NEB: variants seen among roughly 807,000 people sequenced by gnomAD.
NEB encodes nebulin.
A neutral mutation model predicts 952.2 loss-of-function variants in NEB; 512 were observed. That is an observed-to-expected ratio of 0.54 (90% CI 0.50 to 0.58). NEB has a LOEUF of 0.58. NEB is among the 20% of genes least tolerant of loss of function. The probability of loss-of-function intolerance (pLI) is 0.00; values close to 1 mark genes in which losing one functional copy is unlikely to be tolerated. For synonymous variants in NEB, 2,900 were observed against 3,149.8 expected, an observed-to-expected ratio of 0.92 and a Z score of 2.66; for missense variants, 8,428 against 9,231.1, an observed-to-expected ratio of 0.91 and a Z score of 3.56.
In NEB at chr2:151,503,454, AT is replaced by A; in HGVS notation, c.23743-14del. On this transcript the variant is annotated splice_polypyrimidine_tract_variant and intron_variant, in intron 165 of 181. Coordinates refer to ENST00000397345, the MANE Select transcript of NEB (RefSeq NM_001164508.2). ...CTTTGTACATAACCTGTAGAAAATA[AT>A]TAGAATACCCAGAAAGGTAAAATGA... is the stretch of plus-strand genomic sequence containing the variant. The A allele has an allele frequency of 6.5e-7, 1 of 1,550,218 alleles. No individual in the cohort carries two copies. The highest frequency in any genetic ancestry group is 8.9e-7 in the Non-Finnish European group (1 of 1,122,382).
intron 64 of NEB, among the ~76,000 whole-genome samples, chr2:151,634,498 C>T (rs1332563294): frequency 5.9e-5 from 9 of 151,924 alleles, no homozygotes; most frequent in Admixed American, 1.3e-4. Flanking sequence ...AAAAATAAGC[C>T]GGGCGTGGTG....
intron 135 of NEB, among the ~76,000 whole-genome samples, chr2:151,542,354 A>G (rs901899481): frequency 2.0e-5 from 3 of 152,190 alleles, no homozygotes; most frequent in Admixed American, 6.5e-5. Context: ...TTTGAGATTG[A>G]TAACTTCCAA....
intron 25 of NEB, 129 bp from the exon 26 acceptor site, chr2:151,687,862 G>T: frequency 1.2e-6 from 1 of 863,774 alleles, no homozygotes; most frequent in Non-Finnish European, 1.8e-6. Context: ...TTATCAAATT[G>T]TAGTATAAGT....
intron 76 of NEB, among the ~76,000 whole-genome samples, chr2:151,615,146 C>T (rs530695897): frequency 2.9e-4 from 44 of 152,244 alleles, no homozygotes; most frequent in Admixed American, 6.5e-4. Context: ...TCCAGAATAA[C>T]GCATTATGGT....
rs1415943774 is a variant in NEB at position 151,505,951 on chromosome 2, T to A, written c.23649+215A>T. 3 of 589,040 alleles carry A rather than the reference T, an allele frequency of 5.1e-6. 1 individual carries two copies. The highest frequency in any genetic ancestry group is 4.2e-5 in the South Asian group (2 of 47,080). 36.5% of individuals were successfully genotyped at this position (589,040 alleles called of 1,614,324 possible). On this transcript the variant is annotated intron_variant, in intron 164 of 181. Transcript: ENST00000397345. Reference sequence around the variant, plus strand: ...GATTCTACCTTCTCACAAGCCTCTCTGTTTTTCAGATCTAATCTCTCCCTC... The same window carrying A: ...GATTCTACCTTCTCACAAGCCTCTCAGTTTTTCAGATCTAATCTCTCCCTC...
intron 130 of NEB, among the ~76,000 whole-genome samples, chr2:151,548,773 C>T (rs750698659): frequency 2.0e-5 from 3 of 152,136 alleles, no homozygotes; most frequent in African/African-American, 4.8e-5. Flanking sequence ...CAAATAGCTT[C>T]GTGGACTGAT....
In NEB at chr2:151,619,521, T is replaced by G. The variant is rs371568550; in HGVS notation, c.10802A>C (p.His3601Pro). The G allele has an allele frequency of 1.9e-6, 3 of 1,613,852 alleles. No homozygotes were observed. Among genetic ancestry groups the G allele is most frequent in the Non-Finnish European group, 1.7e-6 (2 of 1,179,854 alleles). Residue 3601 changes from histidine to proline, a missense_variant, in exon 73 of 182, where the codon CAT (histidine) becomes CCT (proline). Coordinates refer to ENST00000397345, the MANE Select transcript of NEB (RefSeq NM_001164508.2). ...VSDVDYKHPL[H>P]EWICLPDQND... ...CTGGTCGGGCAGGCAGATCCATTCA[T>G]GCAGAGGATGTTTATAGTCCACATC...
rs990775501 is a variant in NEB at position 151,567,410 on chromosome 2, G to A, written c.17914C>T (p.Pro5972Ser). 2 of 1,613,730 alleles carry A rather than the reference G, an allele frequency of 1.2e-6. No homozygotes were observed. Among genetic ancestry groups the A allele is most frequent in the Admixed American group, 1.7e-5 (1 of 59,960 alleles). The change falls in exon 114 of 182, where the codon CCT becomes TCT. Residue 5972 changes from proline (P) to serine (S), a missense_variant. By Grantham distance (74) the Pro-to-Ser change is moderately conservative. Around this residue, in one of 11 missense-constraint regions of NEB, gnomAD observed 3,374 missense variants for 3,651.5 expected, o/e 0.92. Transcript: ENST00000397345. ...YVGVPTMRDD[P>S]KLVWFEHAGQ... ...GCATGCTCAAACCAAACCAGCTTAG[G>A]ATCATCTCTCATCGTCGGGACACCA...
chr2:151,617,487 A>AAG lies in NEB; in HGVS notation c.11077-21_11077-20dup, dbSNP rs369065019. ...ATAAGCGCTACAAAAAAAAAAAAAA[A>AAG]AGAGAGAGAGAGAGAGAAAAATTAT... On this transcript the variant is annotated intron_variant, in intron 74 of 181. Transcript: ENST00000397345. The AAG allele has an allele frequency of 1.0e-2, 10,269 of 1,031,792 alleles. 331 individuals are homozygous for AAG. Among genetic ancestry groups the AAG allele is most frequent in the South Asian group, 0.031 (1,764 of 57,582 alleles). 63.9% of individuals were successfully genotyped at this position (1,031,792 alleles called of 1,614,324 possible).
At chr2:151,625,425 G>T in intron 71 of NEB, 109 bp downstream of exon 71, 1 of 738,590 alleles carries the variant, frequency 1.4e-6, no homozygotes. Context: ...GGCATAAAAA[G>T]CCAACTAAGC....
intron 150 of NEB, 33 bp downstream of exon 150, chr2:151,525,925 T>C: frequency 6.5e-7 from 1 of 1,532,948 alleles, no homozygotes; most frequent in South Asian, 1.1e-5. Flanking sequence ...AGTGGCATTG[T>C]TGCTGCCAAG....
At chr2:151,714,247 A>G (rs1004148116) in intron 10 of NEB, among the ~76,000 whole-genome samples, 3 of 152,156 alleles carry the variant, frequency 2.0e-5, no homozygotes, top group East Asian at 1.9e-4. Context: ...AACTGAACCT[A>G]TATTGCAGGA....
intron 41 of NEB, 118 bp downstream of exon 41, chr2:151,665,969 TGAG>T: frequency 2.9e-6 from 3 of 1,029,608 alleles, no homozygotes; most frequent in Non-Finnish European, 4.2e-6. Context: ...CCTAAAACTC[TGAG>T]TTCTGGAGGG....
At chr2:151,498,187 A>AAAAT in intron 170 of NEB, 73 bp downstream of exon 170, 1 of 1,547,878 alleles carries the variant, frequency 6.5e-7, no homozygotes, top group Non-Finnish European at 8.7e-7. Context: ...GCTTCAAACA[A>AAAAT]AAATAAATAA....
intron 117 of NEB, 123 bp from the exon 118 acceptor site, chr2:151,564,053 T>C (rs2096245634): frequency 7.3e-6 from 5 of 680,990 alleles, no homozygotes; most frequent in South Asian, 4.0e-5. Flanking sequence ...TCTTTATCTA[T>C]AGCCATTAGT....
chr2:151,552,819 A>C, intron 127 of NEB, 43 bp from the exon 128 acceptor site: 1 of 1,448,716 alleles, frequency 6.9e-7, no homozygotes, highest in Non-Finnish European at 9.6e-7. Context: ...ACCATTCCTT[A>C]TGCTTGAAAC....
rs556950561 is a variant in NEB, at chr2:151,717,043, A to C, written c.822+373T>G. ...TATTTTTCCAAGTGTGACGGATAAG[A>C]TAGAACTATCCAAGGTCTTCACAGT... On this transcript the variant is annotated intron_variant, in intron 10 of 181. Transcript: ENST00000397345. Among the ~76,000 whole-genome samples, 3 of 152,342 alleles carry C rather than the reference A, an allele frequency of 2.0e-5. 1 individual carries two copies. The South Asian group carries it at 6.2e-4, about 32-fold the overall frequency.
intron 5 of NEB, 133 bp from the exon 6 acceptor site, chr2:151,725,693 C>G: frequency 1.5e-6 from 1 of 655,408 alleles, no homozygotes; most frequent in Non-Finnish European, 2.6e-6. Flanking sequence ...TTTTTGTCCC[C>G]TACCCCAACT....
chr2:151,691,853 A>T lies in NEB; in HGVS notation c.2211+11T>A, dbSNP rs1559304206. On this transcript the variant is annotated intron_variant, in intron 23 of 181. Coordinates refer to ENST00000397345, the MANE Select transcript of NEB (RefSeq NM_001164508.2). ...AAGCTCAATTTCAATAATTCAGGGC[A>T]GCTAACTTACATCTTTACACTGGTC... 6.4e-7 allele frequency: 1 copy of T among 1,558,118 alleles called. No homozygotes were observed. The highest frequency in any genetic ancestry group is 8.8e-7 in the Non-Finnish European group (1 of 1,140,322).
Sources: allele counts gnomAD v4.1 joint callset (sites outside exome capture counted in the v4.1 genomes callset), GRCh38; gene constraint gnomAD v4.1.1; regional missense constraint gnomAD v4.1.1; transcripts MANE v1.5; gene names NCBI Gene and HGNC (gene_info 2026-07-23, HGNC 2026-07-21).